CPXM2: variants seen among roughly 807,000 people sequenced by gnomAD.
CPXM2 encodes carboxypeptidase X, M14 family member 2.
A neutral mutation model predicts 86.1 loss-of-function variants in CPXM2; 66 were observed. The ratio of observed to expected loss-of-function variants is 0.77; its 90% CI spans 0.63 to 0.94. The LOEUF (loss-of-function observed/expected upper bound fraction) is 0.94, where lower values mean the gene tolerates loss of function less well. Ranked by LOEUF, CPXM2 falls within the 40% of genes least tolerant of loss-of-function variation. The probability of loss-of-function intolerance (pLI) is 0.00; values close to 1 mark genes in which losing one functional copy is unlikely to be tolerated. For missense variants in CPXM2, 948 were observed against 1,026.3 expected, an observed-to-expected ratio of 0.92 and a Z score of 1.04; for synonymous variants, 388 against 400.2, an observed-to-expected ratio of 0.97 and a Z score of 0.36.
chr10:123,854,384 TAATATATATATTA>T (rs1253619125), intron 3 of CPXM2, among the ~76,000 whole-genome samples: 3 of 118,668 alleles, frequency 2.5e-5, no homozygotes, highest in African/African-American at 1.0e-4. Context: ...AATATATATA[TAATATATATATTA>T]TATATATATT....
At chr10:123,843,145 T>A in intron 3 of CPXM2, 1 of 331,572 alleles carries the variant, frequency 3.0e-6, no homozygotes, top group Non-Finnish European at 5.7e-6. Context: ...AGAGATGGAG[T>A]CTTGGTATGT....
chr10:123,886,203 A>G (rs1335718327), intron 1 of CPXM2, among the ~76,000 whole-genome samples: 2 of 152,202 alleles, frequency 1.3e-5, no homozygotes, highest in Non-Finnish European at 2.9e-5. Flanking sequence ...ATTGCTTGTT[A>G]ATTGTTTAGG....
At position 123,881,231 on chromosome 10, in the gene CPXM2, CTCTTCCCTTCCCTTCCCTTCCCTTCCCTT is replaced by C. The variant is rs1945085041; in HGVS notation, c.305-951_305-923del. On this transcript the variant is annotated intron_variant, in intron 1 of 13. Coordinates refer to ENST00000241305, the MANE Select transcript of CPXM2 (RefSeq NM_198148.3). Reference sequence around the variant, plus strand: ...TTGTTCCTTCTCCTGGAGCACCCTTCTCTTCCCTTCCCTTCCCTTCCCTTCCCTTCCCTTTACGCTCAAGCTAATTAGCT... The same window carrying C: ...TTGTTCCTTCTCCTGGAGCACCCTTCCCCTTTACGCTCAAGCTAATTAGCT... Among the ~76,000 whole-genome samples, 5 of 93,872 alleles carry C rather than the reference CTCTTCCCTTCCCTTCCCTTCCCTTCCCTT, an allele frequency of 5.3e-5. 1 individual carries two copies. Among genetic ancestry groups the C allele is most frequent in the Non-Finnish European group, 9.1e-5 (4 of 43,772 alleles). 61.6% of individuals were successfully genotyped at this position (93,872 alleles called of 152,430 possible).
chr10:123,830,107 T>C (rs1292304758), intron 4 of CPXM2, among the ~76,000 whole-genome samples: 8 of 152,202 alleles, frequency 5.3e-5, no homozygotes, highest in Admixed American at 5.2e-4. Flanking sequence ...AAGGGCTTTC[T>C]TACTCCTTCT....
intron 7 of CPXM2, among the ~76,000 whole-genome samples, chr10:123,772,911 G>A (rs1408157617): frequency 2.0e-5 from 3 of 151,650 alleles, no homozygotes; most frequent in African/African-American, 7.3e-5. Flanking sequence ...CCTGGGTGTG[G>A]TCCTCATTCC....
intron 13 of CPXM2, among the ~76,000 whole-genome samples, chr10:123,751,311 G>A (rs114965202): frequency 0.017 from 2,634 of 152,304 alleles, 82 homozygotes; most frequent in African/African-American, 0.06. Flanking sequence ...GAGCAGTCCT[G>A]TGTGCAAATG....
intron 3 of CPXM2, among the ~76,000 whole-genome samples, chr10:123,857,517 C>T (rs1848752078): frequency 6.6e-6 from 1 of 151,652 alleles, no homozygotes; most frequent in African/African-American, 2.4e-5. Flanking sequence ...GAAAAGGAAA[C>T]AAGCAGGGAG....
intron 6 of CPXM2, among the ~76,000 whole-genome samples, chr10:123,792,541 C>CA (rs1564771652): frequency 6.6e-6 from 1 of 152,104 alleles, no homozygotes; most frequent in Non-Finnish European, 1.5e-5. Context: ...AGCCAGGGGA[C>CA]AGCAGAGACA....
At chr10:123,924,819 C>T (rs572507725) in intron 2 of CPXM2, among the ~76,000 whole-genome samples, 1 of 152,198 alleles carries the variant, frequency 6.6e-6, no homozygotes, top group African/African-American at 2.4e-5. Context: ...AAGCATGCCC[C>T]TATCACCTCA....
chr10:123,860,893 G>A (rs907865865), intron 3 of CPXM2, among the ~76,000 whole-genome samples: 4 of 152,038 alleles, frequency 2.6e-5, no homozygotes, highest in Non-Finnish European at 5.9e-5. Context: ...ACCAACCTTC[G>A]GATCTCCTTA....
intron 4 of CPXM2, among the ~76,000 whole-genome samples, chr10:123,840,236 A>G (rs1334649541): frequency 1.3e-5 from 2 of 152,316 alleles, no homozygotes; most frequent in East Asian, 3.9e-4. Context: ...GCCTTTCAGA[A>G]TATCAACAGG....
chr10:123,923,219 A>G (rs1294414859), intron 2 of CPXM2, among the ~76,000 whole-genome samples: 1 of 152,230 alleles, frequency 6.6e-6, no homozygotes, highest in Non-Finnish European at 1.5e-5. Flanking sequence ...GACCATGCTA[A>G]ATGTAAAAAG....
At chr10:123,783,388 G>C (rs906522760) in intron 6 of CPXM2, among the ~76,000 whole-genome samples, 1 of 152,230 alleles carries the variant, frequency 6.6e-6, no homozygotes, top group Non-Finnish European at 1.5e-5. Flanking sequence ...ATCTATTCCA[G>C]GTGCTTCAGA....
intron 3 of CPXM2, among the ~76,000 whole-genome samples, chr10:123,855,707 C>T (rs931979135): frequency 1.3e-5 from 2 of 152,144 alleles, no homozygotes; most frequent in Non-Finnish European, 2.9e-5. Flanking sequence ...CAAATGAAGC[C>T]ACAGGCAGCA....
At chr10:123,922,740 C>A (rs1446281981) in intron 2 of CPXM2, among the ~76,000 whole-genome samples, 2 of 152,188 alleles carry the variant, frequency 1.3e-5, no homozygotes, top group African/African-American at 4.8e-5. Flanking sequence ...GAGGGAAGTT[C>A]TTCTTTATGC....
intron 2 of CPXM2, among the ~76,000 whole-genome samples, chr10:123,864,105 G>A (rs1848923243): frequency 6.6e-6 from 1 of 152,136 alleles, no homozygotes; most frequent in African/African-American, 2.4e-5. Context: ...CTGCCCTGCT[G>A]TGCCCCATTC....
chr10:123,843,835 T>C (rs1949430), intron 3 of CPXM2, among the ~76,000 whole-genome samples: 8,053 of 152,198 alleles, frequency 0.053, 440 homozygotes, highest in African/African-American at 0.14. Context: ...CAGAGAAGAA[T>C]AGAACTGCCA....
chr10:123,866,785 G>A (rs560612783), intron 2 of CPXM2, among the ~76,000 whole-genome samples: 140 of 152,300 alleles, frequency 9.2e-4, no homozygotes, highest in African/African-American at 2.8e-3. Context: ...CTTCTTCCTC[G>A]GCACTCTGTC....
chr10:123,846,511 CACTT>C (rs147871327), intron 3 of CPXM2, among the ~76,000 whole-genome samples: 2,463 of 152,316 alleles, frequency 0.016, 30 homozygotes, highest in Non-Finnish European at 0.024. Context: ...GCCTGCCACT[CACTT>C]CTTGCTGTGA....
Sources: allele counts gnomAD v4.1 joint callset (sites outside exome capture counted in the v4.1 genomes callset), GRCh38; gene constraint gnomAD v4.1.1; transcripts MANE v1.5; gene names NCBI Gene and HGNC (gene_info 2026-07-23, HGNC 2026-07-21).